Variants in CSMD1 observed in about 807,000 individuals in gnomAD.
CSMD1 encodes CUB and sushi domain-containing protein 1.
A neutral mutation model predicts 417.5 loss-of-function variants in CSMD1; 213 were observed. That is an observed-to-expected ratio of 0.51 (90% confidence interval 0.46 to 0.57). CSMD1 has a LOEUF of 0.57. Ranked by LOEUF, CSMD1 falls within the 20% of genes least tolerant of loss-of-function variation. The pLI is 0.00. For synonymous variants in CSMD1, 2,862 were observed against 1,736.8 expected, an observed-to-expected ratio of 1.65 and a Z score of -16.11; for missense variants, 6,923 against 4,529.7, an observed-to-expected ratio of 1.53 and a Z score of -15.17.
intron 5 of CSMD1, among the ~76,000 whole-genome samples, chr8:3,874,292 C>T (rs1383816623): frequency 2.0e-5 from 3 of 152,108 alleles, no homozygotes; most frequent in African/African-American, 7.2e-5. Flanking sequence ...GTCCCTGGAC[C>T]ACCTGTACTT....
At chr8:3,989,216 T>C (rs2688272) in intron 5 of CSMD1, among the ~76,000 whole-genome samples, 114,280 of 152,042 alleles carry the variant, frequency 0.75, 43,028 homozygotes, top group East Asian at 0.8. Context: ...CAATCACTTC[T>C]ATTTTACAGA....
intron 6 of CSMD1, among the ~76,000 whole-genome samples, chr8:3,734,323 GA>G (rs1796415856): frequency 6.6e-6 from 1 of 152,150 alleles, no homozygotes; most frequent in Non-Finnish European, 1.5e-5. Context: ...ATTTATTACT[GA>G]TAGCCAAGAG....
chr8:3,893,036 G>A lies in CSMD1; in HGVS notation c.818+104867C>T, dbSNP rs141519465. 2.6e-3 allele frequency among the ~76,000 whole-genome samples: 388 copies of A among 151,826 alleles called. 4 individuals carry two copies. The highest frequency in any genetic ancestry group is 6.6e-3 in the African/African-American group (272 of 41,466). On this transcript the variant is annotated intron_variant, in intron 5 of 69. Coordinates refer to ENST00000635120, the MANE Select transcript of CSMD1 (RefSeq NM_033225.6). ...CTGAAAATAACTTGTCAATAATAGT[G>A]ATATGGATTAAACAAGTTTGACCAA...
At chr8:3,883,027 A>C (rs1213686015) in intron 5 of CSMD1, among the ~76,000 whole-genome samples, 4 of 152,192 alleles carry the variant, frequency 2.6e-5, no homozygotes, top group Non-Finnish European at 5.9e-5. Context: ...ATCCTGAACC[A>C]ATAAAACGCC....
At chr8:4,066,030 A>G (rs949707498) in intron 3 of CSMD1, among the ~76,000 whole-genome samples, 2 of 152,224 alleles carry the variant, frequency 1.3e-5, no homozygotes, top group African/African-American at 4.8e-5. Flanking sequence ...AGGAAGTCAG[A>G]AGGAGCCCTA....
chr8:4,535,289 GTCAA>G (rs1401721874), intron 2 of CSMD1, among the ~76,000 whole-genome samples: 3 of 152,088 alleles, frequency 2.0e-5, no homozygotes, highest in Admixed American at 6.6e-5. Context: ...ACAGGGGGAA[GTCAA>G]TTATTTGTTA....
intron 1 of CSMD1, among the ~76,000 whole-genome samples, chr8:4,697,101 G>A (rs562831633): frequency 3.9e-5 from 6 of 152,264 alleles, no homozygotes; most frequent in Admixed American, 2.6e-4. Flanking sequence ...GAACCCAGGA[G>A]GGGGAGGTTG....
intron 1 of CSMD1, among the ~76,000 whole-genome samples, chr8:4,753,486 C>G (rs1366016477): frequency 6.6e-6 from 1 of 151,576 alleles, no homozygotes; most frequent in Non-Finnish European, 1.5e-5. Context: ...ATTTTCCCCT[C>G]CATTCTTCTT....
At chr8:3,965,969 A>G (rs1460639724) in intron 5 of CSMD1, among the ~76,000 whole-genome samples, 1 of 152,218 alleles carries the variant, frequency 6.6e-6, no homozygotes, top group Non-Finnish European at 1.5e-5. Flanking sequence ...TTGAGAAAGC[A>G]TAATTTAGCG....
chr8:3,048,572 GA>G (rs1274862308), intron 50 of CSMD1, among the ~76,000 whole-genome samples: 1 of 152,094 alleles, frequency 6.6e-6, no homozygotes, highest in Non-Finnish European at 1.5e-5. Context: ...TTGCCCTTCA[GA>G]AAAATTAATC....
intron 1 of CSMD1, among the ~76,000 whole-genome samples, chr8:4,808,821 T>C (rs528273752): frequency 3.3e-5 from 5 of 152,352 alleles, no homozygotes; most frequent in South Asian, 4.1e-4. Context: ...AATAAAGTGA[T>C]AGTGCTTTCA....
intron 7 of CSMD1, among the ~76,000 whole-genome samples, chr8:3,663,438 G>C (rs1218841809): frequency 2.0e-5 from 3 of 152,132 alleles, no homozygotes; most frequent in Non-Finnish European, 4.4e-5. Flanking sequence ...AGAGAACTGA[G>C]AGATTCAGAC....
chr8:4,425,774 C>G (rs12549086), intron 2 of CSMD1, among the ~76,000 whole-genome samples: 24,456 of 152,186 alleles, frequency 0.16, 2,463 homozygotes, highest in Non-Finnish European at 0.24. Context: ...ACACAGGTGT[C>G]TTGCAGTAGC....
intron 3 of CSMD1, among the ~76,000 whole-genome samples, chr8:4,089,359 A>C (rs1482265908): frequency 6.6e-6 from 1 of 152,218 alleles, no homozygotes; most frequent in Admixed American, 6.5e-5. Flanking sequence ...ACAGGCTTTC[A>C]CTGAGAAGAC....
intron 5 of CSMD1, among the ~76,000 whole-genome samples, chr8:3,891,679 T>G (rs1276076966): frequency 8.8e-6 from 1 of 113,478 alleles, no homozygotes; most frequent in East Asian, 2.8e-4. Context: ...CAAGACCTTG[T>G]CTCAAAACGA....
chr8:4,282,214 C>G (rs1410923509), intron 3 of CSMD1, among the ~76,000 whole-genome samples: 1 of 152,078 alleles, frequency 6.6e-6, no homozygotes, highest in Non-Finnish European at 1.5e-5. Flanking sequence ...TGAAAATAAA[C>G]AGAAACATAA....
At chr8:3,251,730 T>C (rs1800279739) in intron 26 of CSMD1, among the ~76,000 whole-genome samples, 1 of 152,200 alleles carries the variant, frequency 6.6e-6, no homozygotes, top group African/African-American at 2.4e-5. Flanking sequence ...TGTCTCCTTT[T>C]TTATTTCATT....
intron 1 of CSMD1, among the ~76,000 whole-genome samples, chr8:4,877,926 G>A (rs1306029849): frequency 1.3e-5 from 2 of 152,018 alleles, no homozygotes; most frequent in African/African-American, 4.8e-5. Flanking sequence ...TGTACAATGG[G>A]AAAGGGACCT....
chr8:4,855,669 G>A lies in CSMD1; in HGVS notation c.85+138663C>T, dbSNP rs1433909900. 5.9e-5 allele frequency among the ~76,000 whole-genome samples: 9 copies of A among 152,092 alleles called. No homozygotes were observed. The East Asian group carries it at 1.7e-3, about 29-fold the overall frequency. ...AACTGGAAGATAGGGTATCAGCGATGGAAGATGAAATGAATGAAATGAAGC... is the reference window on the plus strand; with the variant it reads ...AACTGGAAGATAGGGTATCAGCGATAGAAGATGAAATGAATGAAATGAAGC... On this transcript the variant is annotated intron_variant, in intron 1 of 69. Coordinates refer to ENST00000635120, the MANE Select transcript of CSMD1 (RefSeq NM_033225.6).
Sources: gnomAD v4.1 joint callset for allele counts (sites outside exome capture counted in the v4.1 genomes callset) on GRCh38, gnomAD v4.1.1 for gene constraint, MANE v1.5 for transcripts, NCBI Gene and HGNC (gene_info 2026-07-23, HGNC 2026-07-21) for gene names.